Variants in DISC1 observed in about 807,000 individuals in gnomAD.
DISC1 encodes the protein disrupted in schizophrenia 1 protein.
A neutral mutation model predicts 84.5 loss-of-function variants in DISC1; 57 were observed. That is an observed-to-expected ratio of 0.67 (90% CI 0.55 to 0.84). The LOEUF (loss-of-function observed/expected upper bound fraction) is 0.84. DISC1 is among the 40% of genes least tolerant of loss of function. The pLI, the probability that DISC1 is intolerant of heterozygous loss-of-function variation, is 0.00. For synonymous variants in DISC1, 411 were observed against 415.2 expected (o/e 0.99, Z 0.12); for missense variants, 1,000 against 1,057.8 (o/e 0.95, Z 0.76).
At chr1:231,857,033 C>T (rs2084321724) in intron 9 of DISC1, among the ~76,000 whole-genome samples, 1 of 152,182 alleles carries the variant, frequency 6.6e-6, no homozygotes, top group African/African-American at 2.4e-5. Flanking sequence ...AGGAATTTGG[C>T]TCAGGGCCAG....
intron 10 of DISC1, among the ~76,000 whole-genome samples, chr1:231,995,822 G>T (rs1665876441): frequency 6.6e-6 from 1 of 151,368 alleles, no homozygotes; most frequent in Non-Finnish European, 1.5e-5. Context: ...TGTCTTTATA[G>T]CAGCATGATT....
At chr1:231,723,734 C>G in intron 3 of DISC1, 7 of 985,450 alleles carry the variant, frequency 7.1e-6, no homozygotes, top group Non-Finnish European at 8.4e-6. Flanking sequence ...CCCTGGCAGA[C>G]AGACTTCTGC....
chr1:231,766,454 G>A (rs1012975516), intron 4 of DISC1, among the ~76,000 whole-genome samples: 3 of 152,134 alleles, frequency 2.0e-5, no homozygotes, highest in African/African-American at 4.8e-5. Flanking sequence ...TGCAAGAAGT[G>A]TATTTCTCTG....
chr1:231,650,645 C>T (rs1323155463), intron 1 of DISC1, among the ~76,000 whole-genome samples: 1 of 152,182 alleles, frequency 6.6e-6, no homozygotes, highest in East Asian at 1.9e-4. Flanking sequence ...TGGATAGTAT[C>T]CTGCAGAGTG....
chr1:232,030,200 G>T (rs1294405702), intron 12 of DISC1, among the ~76,000 whole-genome samples: 3 of 152,192 alleles, frequency 2.0e-5, no homozygotes, highest in Non-Finnish European at 4.4e-5. Context: ...TGAGTCTCTA[G>T]TGCATTTTCA....
intron 1 of DISC1, among the ~76,000 whole-genome samples, chr1:231,639,466 G>A (rs763585464): frequency 6.6e-6 from 1 of 152,172 alleles, no homozygotes; most frequent in Non-Finnish European, 1.5e-5. Context: ...CTGGACAAGT[G>A]CATCTTCTCC....
intron 9 of DISC1, among the ~76,000 whole-genome samples, chr1:231,908,039 A>G (rs543340142): frequency 3.9e-5 from 6 of 152,156 alleles, no homozygotes; most frequent in African/African-American, 1.4e-4. Flanking sequence ...TTTTTCTTGT[A>G]AATTTGTTTA....
At chr1:231,766,182 C>T (rs973673517) in intron 4 of DISC1, among the ~76,000 whole-genome samples, 1 of 148,458 alleles carries the variant, frequency 6.7e-6, no homozygotes, top group Non-Finnish European at 1.5e-5. Context: ...CCCAGCTATT[C>T]GGGAGGCTGA....
intron 1 of DISC1, 79 bp from the exon 2 acceptor site, chr1:231,693,747 G>A: frequency 6.2e-7 from 1 of 1,604,754 alleles, no homozygotes; most frequent in Non-Finnish European, 8.5e-7. Flanking sequence ...TTTAAACCTA[G>A]GGATGTTCTC....
chr1:231,800,158 T>C lies in DISC1; in HGVS notation c.1740T>C (p.Asp580=). 1 of 1,611,850 alleles carries C rather than the reference T, an allele frequency of 6.2e-7. No homozygotes were observed. The highest frequency in any genetic ancestry group is 8.5e-7 in the Non-Finnish European group (1 of 1,179,688). Reference sequence around the variant, plus strand: ...GCACCCTGAGGAAGAAAGTTAACGATATTGAAACCCAACTACCAGCCTTGC... The same window carrying C: ...GCACCCTGAGGAAGAAAGTTAACGACATTGAAACCCAACTACCAGCCTTGC... ...FCSTLRKKVN[D]IETQLPALLE... The change falls in exon 8 of 13, where the codon GAT becomes GAC. Residue 580 remains aspartate, a synonymous_variant. Coordinates refer to ENST00000439617, the MANE Select transcript of DISC1 (RefSeq NM_018662.3).
intron 6 of DISC1, among the ~76,000 whole-genome samples, chr1:231,780,061 G>C (rs1476604416): frequency 6.6e-6 from 1 of 151,832 alleles, no homozygotes; most frequent in Non-Finnish European, 1.5e-5. Flanking sequence ...CACAGGAAGG[G>C]GAATATCACA....
rs3738402 is a variant in DISC1 at position 231,767,264 on chromosome 1, C to T, written c.1393C>T (p.Leu465=). The change falls in exon 5 of 13, where the codon CTA becomes TTA. Residue 465 remains leucine (L), a synonymous_variant. Coordinates refer to ENST00000439617, the MANE Select transcript of DISC1 (RefSeq NM_018662.3). The part of the protein sequence containing the change: ...RDWLLQEKQQ[L]QKEIEALQAR... ...CTGGCTTCTTCAGGAAAAGCAGCAG[C>T]TACAGGTGAGCAGGTGAAAGATCTT... is the stretch of plus-strand genomic sequence containing the variant. The T allele has an allele frequency of 0.045, 72,716 of 1,614,068 alleles. 3,385 individuals are homozygous for T. The highest frequency in any genetic ancestry group is 0.22 in the East Asian group (10,002 of 44,850).
chr1:231,942,038 C>A (rs950906578), intron 9 of DISC1, among the ~76,000 whole-genome samples: 1 of 151,892 alleles, frequency 6.6e-6, no homozygotes, highest in African/African-American at 2.4e-5. Context: ...GAAAACCAGA[C>A]GTGTGATCTG....
At chr1:231,918,994 C>T (rs959837106) in intron 9 of DISC1, among the ~76,000 whole-genome samples, 2 of 152,214 alleles carry the variant, frequency 1.3e-5, no homozygotes, top group South Asian at 2.1e-4. Context: ...GTATAACCTT[C>T]CATGAAGCTC....
chr1:232,012,472 A>G (rs199716750), intron 11 of DISC1, among the ~76,000 whole-genome samples: 98 of 152,168 alleles, frequency 6.4e-4, no homozygotes, highest in Non-Finnish European at 7.6e-4. Context: ...AAGTCTGGGT[A>G]CTTTGCATTT....
At chr1:231,766,579 G>C (rs1174093932) in intron 4 of DISC1, among the ~76,000 whole-genome samples, 1 of 152,168 alleles carries the variant, frequency 6.6e-6, no homozygotes, top group African/African-American at 2.4e-5. Context: ...GCAGAGGAAG[G>C]GTGGATGCCG....
At chr1:231,683,600 C>T (rs535719849) in intron 1 of DISC1, among the ~76,000 whole-genome samples, 40 of 151,032 alleles carry the variant, frequency 2.6e-4, no homozygotes, top group African/African-American at 9.7e-4. Flanking sequence ...GTGAACACCC[C>T]CTCTGTGACC....
At chr1:231,686,398 C>T (rs2064280316) in intron 1 of DISC1, among the ~76,000 whole-genome samples, 1 of 152,226 alleles carries the variant, frequency 6.6e-6, no homozygotes, top group African/African-American at 2.4e-5. Context: ...TTCTTGACTT[C>T]TGTGCACTTG....
At chr1:231,783,813 A>T (rs2077614939) in intron 6 of DISC1, among the ~76,000 whole-genome samples, 1 of 152,218 alleles carries the variant, frequency 6.6e-6, no homozygotes, top group African/African-American at 2.4e-5. Context: ...TCCTCTGCTC[A>T]CTGCCTTCGC....
Sources: gnomAD v4.1 joint callset for allele counts (sites outside exome capture counted in the v4.1 genomes callset) on GRCh38, gnomAD v4.1.1 for gene constraint, MANE v1.5 for transcripts, NCBI Gene and HGNC (gene_info 2026-07-23, HGNC 2026-07-21) for gene names.